The following AP3B1 variants were observed in gnomAD, a reference collection of about 807,000 sequenced individuals.
The protein encoded by AP3B1 is AP-3 complex subunit beta-1.
In AP3B1, 61 loss-of-function variants were observed where a neutral mutation model predicts 132.5. The ratio of observed to expected loss-of-function variants is 0.46; its 90% CI spans 0.37 to 0.57. The LOEUF (loss-of-function observed/expected upper bound fraction) is 0.57, where lower values mean the gene tolerates loss of function less well. Ranked by LOEUF, AP3B1 falls within the 20% of genes least tolerant of loss-of-function variation. AP3B1 has a pLI of 0.00. For missense variants in AP3B1, 1,120 were observed against 1,289.4 expected (o/e 0.87, Z 2.01); for synonymous variants, 388 against 438.3 (o/e 0.89, Z 1.43).
In AP3B1 at chr5:78,039,241, G is replaced by C. The variant is rs762861855; in HGVS notation, c.2611C>G (p.His871Asp). The change falls in exon 23 of 27, where the codon CAC becomes GAC. Residue 871 changes from histidine to aspartate, a missense_variant. His to Asp is a moderately conservative substitution (Grantham distance 81). Coordinates refer to ENST00000255194, the MANE Select transcript of AP3B1 (RefSeq NM_003664.5). ...CCACTCATTCGATGAAGCAGCACGT[G>C]AGTTTTCGTTGGTACAAATGCAGGA... Reference protein sequence around the residue: ...STPAFVPTKTHVLLHRMSGKG... With the variant: ...STPAFVPTKTDVLLHRMSGKG... 55 of 1,614,020 alleles carry C rather than the reference G, an allele frequency of 3.4e-5. No individual in the cohort carries two copies. The highest frequency in any genetic ancestry group is 4.7e-5 in the Non-Finnish European group (55 of 1,180,024).
At chr5:78,096,295 T>A (rs1176349574) in intron 21 of AP3B1, among the ~76,000 whole-genome samples, 2 of 152,168 alleles carry the variant, frequency 1.3e-5, no homozygotes, top group Non-Finnish European at 2.9e-5. Flanking sequence ...TTGCAGACAG[T>A]GTCTGGTTCA....
At chr5:78,194,267 T>C (rs1240941897) in intron 7 of AP3B1, among the ~76,000 whole-genome samples, 1 of 152,192 alleles carries the variant, frequency 6.6e-6, no homozygotes, top group African/African-American at 2.4e-5. Flanking sequence ...TTTCTTGTTA[T>C]ACAGATAATA....
intron 7 of AP3B1, among the ~76,000 whole-genome samples, chr5:78,192,797 T>C (rs749938981): frequency 1.3e-5 from 2 of 152,166 alleles, no homozygotes; most frequent in Non-Finnish European, 2.9e-5. Context: ...TTTCTGGCCT[T>C]TTTTCCATCA....
intron 22 of AP3B1, among the ~76,000 whole-genome samples, chr5:78,069,142 G>C (rs907316924): frequency 5.3e-5 from 8 of 152,286 alleles, no homozygotes; most frequent in African/African-American, 1.9e-4. Flanking sequence ...CAAACCCACT[G>C]CCAATTATCA....
chr5:78,038,982 T>C, intron 23 of AP3B1, 61 bp downstream of exon 23: 1 of 1,045,528 alleles, frequency 9.6e-7, no homozygotes, highest in Non-Finnish European at 1.4e-6. Flanking sequence ...ACTTTACTTT[T>C]AAAATGAACA....
chr5:78,081,675 A>G (rs1372847294), intron 22 of AP3B1, among the ~76,000 whole-genome samples: 1 of 152,188 alleles, frequency 6.6e-6, no homozygotes, highest in Non-Finnish European at 1.5e-5. Flanking sequence ...AGGAAACAAA[A>G]AAAGTTTGTT....
chr5:78,264,150 T>C (rs1447715132), intron 2 of AP3B1, among the ~76,000 whole-genome samples: 2 of 152,208 alleles, frequency 1.3e-5, no homozygotes, highest in East Asian at 3.8e-4. Context: ...CATTCAGCGA[T>C]GCATGACTCT....
chr5:78,030,570 T>G (rs1280606918), intron 24 of AP3B1, among the ~76,000 whole-genome samples: 2 of 152,046 alleles, frequency 1.3e-5, no homozygotes, highest in Admixed American at 1.3e-4. Flanking sequence ...ATTCTTCTCC[T>G]TATCAAAAAT....
chr5:78,122,799 C>G (rs1752280139), intron 17 of AP3B1, among the ~76,000 whole-genome samples: 1 of 152,154 alleles, frequency 6.6e-6, no homozygotes, highest in Non-Finnish European at 1.5e-5. Context: ...TCAATGCCAT[C>G]CCCATCAAGC....
chr5:78,212,207 G>A (rs1468784481), intron 7 of AP3B1, among the ~76,000 whole-genome samples: 2 of 152,164 alleles, frequency 1.3e-5, no homozygotes, highest in African/African-American at 4.8e-5. Context: ...TTCAACCCAG[G>A]AGGCAAGAGG....
chr5:78,237,539 G>A (rs1270270615), intron 3 of AP3B1, among the ~76,000 whole-genome samples: 1 of 151,888 alleles, frequency 6.6e-6, no homozygotes. Flanking sequence ...TGAACATGGT[G>A]GCTCACACCC....
chr5:78,058,924 T>A (rs1351994424), intron 22 of AP3B1, among the ~76,000 whole-genome samples: 1 of 152,226 alleles, frequency 6.6e-6, no homozygotes. Context: ...GACATGAGTA[T>A]CTGAGTCACC....
intron 7 of AP3B1, among the ~76,000 whole-genome samples, chr5:78,185,298 A>C (rs1744556985): frequency 1.3e-5 from 2 of 152,220 alleles, no homozygotes; most frequent in Admixed American, 1.3e-4. Context: ...GCAAGGAAAA[A>C]TATGAGTACA....
chr5:78,028,142 G>A (rs1450063977), intron 24 of AP3B1, among the ~76,000 whole-genome samples: 1 of 151,884 alleles, frequency 6.6e-6, no homozygotes, highest in Non-Finnish European at 1.5e-5. Context: ...CAAAAAAAAA[G>A]AAAATAATTA....
At position 78,141,459 on chromosome 5, in the gene AP3B1, T is replaced by C. The variant is rs1360427625; in HGVS notation, c.1474-140A>G. On this transcript the variant is annotated intron_variant, in intron 14 of 26. Transcript: ENST00000255194. The stretch of plus-strand genomic sequence containing the variant: ...TATCTAGGAATTAATCCTGTATTTA[T>C]GAATTTTCGTCAGTTATCAAAAAAT... 5 of 661,020 alleles carry C rather than the reference T, an allele frequency of 7.6e-6. No homozygotes were observed. The Admixed American group carries it at 9.0e-5, about 12-fold the overall frequency. The allele number at this position is 661,020 out of a possible 1,614,324, so 40.9% of individuals were successfully genotyped here. A position where few individuals can be genotyped will look rare whatever the true frequency, so the allele number is the denominator to read the frequency against.
At chr5:78,000,597 C>A (rs1293609695), downstream of AP3B1, 2 of 151,600 alleles carry the variant, frequency 1.3e-5, no homozygotes, top group Non-Finnish European at 2.9e-5. Context: ...TAAAAAAACT[C>A]TCATAATAAA....
chr5:78,293,004 G>A (rs979729001), intron 1 of AP3B1, among the ~76,000 whole-genome samples: 3 of 151,824 alleles, frequency 2.0e-5, no homozygotes, highest in Non-Finnish European at 4.4e-5. Flanking sequence ...TCAGCCTCCC[G>A]AGTAGCTGGG....
intron 6 of AP3B1, among the ~76,000 whole-genome samples, chr5:78,224,770 T>A (rs1453645183): frequency 6.6e-6 from 1 of 151,796 alleles, no homozygotes; most frequent in Non-Finnish European, 1.5e-5. Context: ...AGAGGAACAT[T>A]TTACAATGAC....
chr5:78,122,351 G>C (rs1337951716), intron 17 of AP3B1, among the ~76,000 whole-genome samples: 10 of 152,168 alleles, frequency 6.6e-5, no homozygotes, highest in South Asian at 2.1e-4. Flanking sequence ...GGCCAGGGCA[G>C]TTAGGCAGGA....
Sources: allele counts gnomAD v4.1 joint callset (sites outside exome capture counted in the v4.1 genomes callset), GRCh38; gene constraint gnomAD v4.1.1; transcripts MANE v1.5; gene names NCBI Gene and HGNC (gene_info 2026-07-23, HGNC 2026-07-21).